The following HIVEP2 variants were observed in gnomAD, a reference collection of about 807,000 sequenced individuals.
HIVEP2 encodes HIVEP zinc finger 2, also known as transcription factor HIVEP2.
In HIVEP2, 14 loss-of-function variants were observed where a neutral mutation model predicts 180.7. The ratio of observed to expected loss-of-function variants is 0.08; its 90% CI spans 0.05 to 0.12. The LOEUF (loss-of-function observed/expected upper bound fraction) is 0.12, where lower values mean the gene tolerates loss of function less well. HIVEP2 is among the 10% of genes least tolerant of loss of function. The pLI, the probability that HIVEP2 is intolerant of heterozygous loss-of-function variation, is 1.00. For synonymous variants in HIVEP2, 1,184 were observed against 1,136.4 expected, an observed-to-expected ratio of 1.04 and a Z score of -0.84; for missense variants, 2,579 against 3,008.5, an observed-to-expected ratio of 0.86 and a Z score of 3.34.
chr6:142,910,862 G>A (rs566915051), intron 1 of HIVEP2, among the ~76,000 whole-genome samples: 2 of 152,232 alleles, frequency 1.3e-5, no homozygotes, highest in South Asian at 2.1e-4. Context: ...AGAGCATGGG[G>A]GCCTGAATTT....
intron 2 of HIVEP2, among the ~76,000 whole-genome samples, chr6:142,805,823 TA>T: frequency 6.6e-6 from 1 of 152,282 alleles, no homozygotes; most frequent in Middle Eastern, 3.4e-3. Flanking sequence ...TGTAGGGTGC[TA>T]AAAGCCTTAC....
At position 142,760,405 on chromosome 6, in the gene HIVEP2, A is replaced by G. The variant is rs1281110709; in HGVS notation, c.5883T>C (p.Ser1961=). Residue 1961 remains serine (S), a synonymous_variant, in exon 9 of 10, where the codon AGT becomes AGC. Transcript: ENST00000367603. ...TGATCAACGAAGAATGTCCCAGGGA[A>G]CTATCTGAAGGAACCCCGTGGGGTA... ...GAVPHGVPSD[S]SLGHSSLISY... 1 of 1,614,224 alleles carries G rather than the reference A, an allele frequency of 6.2e-7. No individual in the cohort carries two copies. The highest frequency in any genetic ancestry group is 1.7e-5 in the Admixed American group (1 of 60,026).
intron 1 of HIVEP2, among the ~76,000 whole-genome samples, chr6:142,870,300 G>A (rs890725703): frequency 1.6e-4 from 25 of 152,152 alleles, no homozygotes; most frequent in Non-Finnish European, 1.5e-4. Context: ...ACATGCCTGT[G>A]AGCCAGTCCT....
chr6:142,872,377 C>A (rs947825920), intron 1 of HIVEP2, among the ~76,000 whole-genome samples: 1 of 152,122 alleles, frequency 6.6e-6, no homozygotes, highest in South Asian at 2.1e-4. Context: ...ACAGTTATGT[C>A]CAACAAAGAA....
intron 2 of HIVEP2, among the ~76,000 whole-genome samples, chr6:142,809,153 AT>A (rs1251467709): frequency 6.6e-6 from 1 of 152,144 alleles, no homozygotes; most frequent in East Asian, 1.9e-4. Context: ...TGAATACTAG[AT>A]ATGAATGGCT....
intron 1 of HIVEP2, among the ~76,000 whole-genome samples, chr6:142,899,017 T>C (rs938553343): frequency 2.0e-5 from 3 of 152,182 alleles, no homozygotes; most frequent in Non-Finnish European, 4.4e-5. Flanking sequence ...GAGATATTTG[T>C]AAAATGCTAA....
chr6:142,830,028 ATC>A (rs2114858459), intron 2 of HIVEP2, among the ~76,000 whole-genome samples: 1 of 152,352 alleles, frequency 6.6e-6, no homozygotes, highest in South Asian at 2.1e-4. Context: ...AATCAAGAGT[ATC>A]TCTTCTGAAA....
Position 142,770,278 on chromosome 6 carries a change from G to A in HIVEP2, c.4461C>T (p.Leu1487=). ...ELTNSDIKKD[L]SRPQKPQLVR... is the part of the protein sequence containing the mutation. ...CCAGCTGGGGTTTCTGGGGGCGGGA[G>A]AGGTCCTTTTTGATGTCTGAGTTGG... The change falls in exon 5 of 10, where the codon CTC becomes CTT. Residue 1487 remains leucine (L), a synonymous_variant. Transcript: ENST00000367603. The surrounding 1 kb of genome is among the most constrained non-coding windows in gnomAD (Gnocchi z 4.7). 6.2e-7 allele frequency: 1 copy of A among 1,614,174 alleles called. No individual in the cohort carries two copies. The highest frequency in any genetic ancestry group is 8.5e-7 in the Non-Finnish European group (1 of 1,180,036).
At chr6:142,884,486 G>A (rs143572127) in intron 1 of HIVEP2, among the ~76,000 whole-genome samples, 6 of 151,932 alleles carry the variant, frequency 3.9e-5, no homozygotes, top group South Asian at 2.1e-4. Context: ...CAAAATAATC[G>A]CTGAAAAGGT....
In HIVEP2 at chr6:142,837,163, C is replaced by T. The variant is rs139883484; in HGVS notation, c.-640-116G>A. On this transcript the variant is annotated intron_variant, in intron 1 of 9. Coordinates refer to ENST00000367603, the MANE Select transcript of HIVEP2 (RefSeq NM_006734.4). Reference sequence around the variant, plus strand: ...TATGATATTATACTATCTTTTCCTACGTTACTGTGCTACTTAAAGCTATCA... The same window carrying T: ...TATGATATTATACTATCTTTTCCTATGTTACTGTGCTACTTAAAGCTATCA... 4 of 152,198 alleles carry T rather than the reference C, an allele frequency of 2.6e-5. No homozygotes were observed. In the East Asian group the frequency reaches 5.8e-4, roughly 22 times the overall value. 9.4% of individuals were successfully genotyped at this position (152,198 alleles called of 1,614,324 possible).
In HIVEP2 at chr6:142,827,567, A is replaced by C. The variant is rs182648944; in HGVS notation, c.-528+9368T>G. Among the ~76,000 whole-genome samples the C allele has an allele frequency of 2.9e-4, 44 of 152,286 alleles. No individual in the cohort carries two copies. The East Asian group carries it at 6.2e-3, about 21-fold the overall frequency. On this transcript the variant is annotated intron_variant, in intron 2 of 9. Transcript: ENST00000367603. ...ACTTCCCTGGATTGTTCTCCATGGA[A>C]ATCTCCCTCCAGATGGGAAAAGAGC... is the stretch of plus-strand genomic sequence containing the variant.
At position 142,770,102 on chromosome 6, in the gene HIVEP2, C is replaced by G; in HGVS notation, c.4637G>C (p.Gly1546Ala). The change falls in exon 5 of 10, where the codon GGT becomes GCT. Residue 1546 changes from glycine to alanine, a missense_variant. Gly to Ala is a moderately conservative substitution (Grantham distance 60). Transcript: ENST00000367603. The surrounding 1 kb of genome is among the most constrained non-coding windows in gnomAD (Gnocchi z 4.7). Reference protein sequence around the residue: ...PFLPSKEMLSGSRAPLPGQKS... With the variant: ...PFLPSKEMLSASRAPLPGQKS... ...CTGCCCCGGAAGTGGTGCCCGGGAA[C>G]CGGAAAGCATCTCCTTGCTGGGCAG... The G allele has an allele frequency of 6.2e-7, 1 of 1,614,228 alleles. No homozygotes were observed. The highest frequency in any genetic ancestry group is 8.5e-7 in the Non-Finnish European group (1 of 1,180,038).
In HIVEP2 at chr6:142,803,326, AT is replaced by A. The variant is rs554779476; in HGVS notation, c.-527-19712del. Among the ~76,000 whole-genome samples the A allele has an allele frequency of 3.7e-3, 557 of 152,158 alleles. 2 individuals are homozygous for A. The highest frequency in any genetic ancestry group is 5.7e-3 in the Non-Finnish European group (389 of 67,986). On this transcript the variant is annotated intron_variant, in intron 2 of 9. Coordinates refer to ENST00000367603, the MANE Select transcript of HIVEP2 (RefSeq NM_006734.4). ...CTTTCAAAATAGATTTATTTCTGCTATTTTTTCTGACTATATTTTAAAAGAG... is the reference window on the plus strand; with the variant it reads ...CTTTCAAAATAGATTTATTTCTGCTATTTTTCTGACTATATTTTAAAAGAG...
chr6:142,859,812 C>T (rs577062161), intron 1 of HIVEP2, among the ~76,000 whole-genome samples: 6 of 62,298 alleles, frequency 9.6e-5, no homozygotes, highest in African/African-American at 1.3e-4. Flanking sequence ...CCAGTCTGGG[C>T]AATAAGAGTG....
At chr6:142,863,692 T>C (rs1336106545) in intron 1 of HIVEP2, among the ~76,000 whole-genome samples, 1 of 152,142 alleles carries the variant, frequency 6.6e-6, no homozygotes, top group Non-Finnish European at 1.5e-5. Flanking sequence ...ACCAAAATCT[T>C]CACAATACCT....
chr6:142,764,011 T>C (rs1324476498), intron 7 of HIVEP2, among the ~76,000 whole-genome samples: 1 of 152,218 alleles, frequency 6.6e-6, no homozygotes, highest in Non-Finnish European at 1.5e-5. Flanking sequence ...TTTAAAGTGT[T>C]GAGGGGGTGC....
At chr6:142,891,360 G>A (rs1776856582) in intron 1 of HIVEP2, among the ~76,000 whole-genome samples, 1 of 151,266 alleles carries the variant, frequency 6.6e-6, no homozygotes, top group South Asian at 2.1e-4. Flanking sequence ...AAAATACTAG[G>A]TATTACACTG....
At chr6:142,898,934 G>A (rs1777063640) in intron 1 of HIVEP2, among the ~76,000 whole-genome samples, 1 of 152,124 alleles carries the variant, frequency 6.6e-6, no homozygotes, top group Non-Finnish European at 1.5e-5. Flanking sequence ...GAATATTACT[G>A]TAATTGTCTG....
At chr6:142,913,363 T>C (rs1322113375) in intron 1 of HIVEP2, among the ~76,000 whole-genome samples, 1 of 152,196 alleles carries the variant, frequency 6.6e-6, no homozygotes, top group Non-Finnish European at 1.5e-5. Flanking sequence ...ATTTTTTCAA[T>C]AAACCAGTTT....
Sources: allele counts gnomAD v4.1 joint callset (sites outside exome capture counted in the v4.1 genomes callset), GRCh38; gene constraint gnomAD v4.1.1; non-coding constraint Gnocchi (gnomAD v3.1); transcripts MANE v1.5; gene names NCBI Gene and HGNC (gene_info 2026-07-23, HGNC 2026-07-21).